Variants in PRKDC observed in about 807,000 individuals in gnomAD.
PRKDC encodes DNA-dependent protein kinase catalytic subunit.
PRKDC carries 82 observed loss-of-function variants against 486.9 expected under a neutral mutation model. That is an observed-to-expected ratio of 0.17 (90% CI 0.14 to 0.20). The LOEUF is 0.20. PRKDC is among the 10% of genes least tolerant of loss of function. PRKDC has a pLI of 1.00. For missense variants in PRKDC, 4,504 were observed against 5,038.2 expected, an observed-to-expected ratio of 0.89 and a Z score of 3.21; for synonymous variants, 1,895 against 1,837.0, an observed-to-expected ratio of 1.03 and a Z score of -0.81.
intron 59 of PRKDC, among the ~76,000 whole-genome samples, chr8:47,832,836 G>A (rs2087919058): frequency 1.3e-5 from 2 of 152,172 alleles, no homozygotes; most frequent in South Asian, 2.1e-4. Flanking sequence ...ACGGATCTAC[G>A]CCCAAGGACA....
intron 24 of PRKDC, among the ~76,000 whole-genome samples, 189 bp downstream of exon 24, chr8:47,913,712 T>C (rs1360571299): frequency 1.3e-5 from 2 of 152,130 alleles, no homozygotes; most frequent in Non-Finnish European, 2.9e-5. Flanking sequence ...ATTAAGATGA[T>C]TTATACTTAA....
At chr8:47,825,807 C>T (rs2087726269) in intron 63 of PRKDC, among the ~76,000 whole-genome samples, 1 of 152,142 alleles carries the variant, frequency 6.6e-6, no homozygotes, top group Non-Finnish European at 1.5e-5. Context: ...CTCTGAATGG[C>T]CCTGGCATTT....
chr8:47,807,388 T>C, intron 68 of PRKDC, 62 bp from the exon 69 acceptor site: 1 of 1,332,838 alleles, frequency 7.5e-7, no homozygotes, highest in Non-Finnish European at 1.0e-6. Flanking sequence ...TGGATAGCAA[T>C]TACAGGCAGA....
At chr8:47,911,737 G>A (rs2089906804) in intron 25 of PRKDC, among the ~76,000 whole-genome samples, 1 of 151,738 alleles carries the variant, frequency 6.6e-6, no homozygotes, top group Non-Finnish European at 1.5e-5. Flanking sequence ...CATAGTATAG[G>A]CCACTTGCCA....
In PRKDC at chr8:47,954,182, ATGT is replaced by A. The variant is rs1044562600; in HGVS notation, c.508+153_508+155del. On this transcript the variant is annotated intron_variant, in intron 5 of 85. Transcript: ENST00000314191. ...CATTTTTGTGAAGGGAAGTCTTCAC[ATGT>A]TGTTTTTGTTTGGTTCCATTTTGGT... Among the ~76,000 whole-genome samples the A allele has an allele frequency of 7.2e-5, 11 of 152,336 alleles. No individual in the cohort carries two copies. The East Asian group carries it at 1.7e-3, about 24-fold the overall frequency.
chr8:47,891,867 C>T (rs2089466849), intron 31 of PRKDC, among the ~76,000 whole-genome samples: 1 of 152,000 alleles, frequency 6.6e-6, no homozygotes, highest in South Asian at 2.1e-4. Flanking sequence ...TTTATGTGAA[C>T]AAGTTTTTTT....
rs138258308 is a variant in PRKDC, at chr8:47,807,334, A to G, written c.9558-8T>C. On this transcript the variant is annotated splice_polypyrimidine_tract_variant and splice_region_variant and intron_variant, in intron 68 of 85. Coordinates refer to ENST00000314191, the MANE Select transcript of PRKDC (RefSeq NM_006904.7). ...TTGCTGAGAAAGAAACATCTACACA[A>G]AGAAAAATGAGACAATGTCACAGAC... The G allele has an allele frequency of 2.1e-4, 315 of 1,526,414 alleles. 3 individuals carry two copies. The African/African-American group carries it at 4.1e-3, about 20-fold the overall frequency. 94.6% of individuals were successfully genotyped at this position (1,526,414 alleles called of 1,614,324 possible).
chr8:47,818,269 A>T (rs1468118513), intron 67 of PRKDC, among the ~76,000 whole-genome samples: 1 of 152,116 alleles, frequency 6.6e-6, no homozygotes, highest in Admixed American at 6.5e-5. Context: ...AATCCATCTC[A>T]TAAAGTTGTT....
chr8:47,805,788 G>A (rs2087204198), intron 69 of PRKDC, among the ~76,000 whole-genome samples: 1 of 152,112 alleles, frequency 6.6e-6, no homozygotes, highest in Admixed American at 6.5e-5. Context: ...AGAAATCCGA[G>A]TTGTTTCTAG....
At chr8:47,823,098 A>G (rs1478484512) in intron 64 of PRKDC, among the ~76,000 whole-genome samples, 81 of 152,096 alleles carry the variant, frequency 5.3e-4, no homozygotes, top group Non-Finnish European at 5.9e-5. Context: ...GCACTTTGGG[A>G]GGCCCAGGCA....
At chr8:47,794,981 T>A (rs769117275) in intron 73 of PRKDC, among the ~76,000 whole-genome samples, 4 of 150,008 alleles carry the variant, frequency 2.7e-5, no homozygotes, top group Non-Finnish European at 5.9e-5. Flanking sequence ...CTCCGCCTCC[T>A]GGGTTTAAGC....
At chr8:47,809,243 C>T (rs914430669) in intron 68 of PRKDC, among the ~76,000 whole-genome samples, 1 of 151,940 alleles carries the variant, frequency 6.6e-6, no homozygotes, top group Non-Finnish European at 1.5e-5. Flanking sequence ...AAGATACAAC[C>T]CTTGCTGGCC....
At position 47,859,659 on chromosome 8, in the gene PRKDC, T is replaced by C. The variant is rs2088628208; in HGVS notation, c.6159A>G (p.Ser2053=). 5 of 1,613,858 alleles carry C rather than the reference T, an allele frequency of 3.1e-6. No individual in the cohort carries two copies. The highest frequency in any genetic ancestry group is 4.2e-6 in the Non-Finnish European group (5 of 1,179,868). The change falls in exon 46 of 86, where the codon TCA becomes TCG. Residue 2053 remains serine (S), a synonymous_variant. Transcript: ENST00000314191. ...CAGGTCTAGGGTCTTGGGAGCTGTA[T>C]GAATAGCTCTGAACTCCGGTTGAGA... The part of the protein sequence containing the change: ...FDFSTGVQSY[S]YSSQDPRPAT...
At chr8:47,846,558 TG>T (rs200320152) in intron 54 of PRKDC, among the ~76,000 whole-genome samples, 1,815 of 152,258 alleles carry the variant, frequency 0.012, 22 homozygotes, top group Non-Finnish European at 0.02. Flanking sequence ...TACTGAATGA[TG>T]GTAAAAACTG....
At chr8:47,807,860 C>T (rs892867934) in intron 68 of PRKDC, among the ~76,000 whole-genome samples, 3 of 152,026 alleles carry the variant, frequency 2.0e-5, no homozygotes, top group African/African-American at 7.2e-5. Context: ...GGACTACAGG[C>T]GTGCACTACC....
At chr8:47,882,880 T>C (rs2089251148) in intron 36 of PRKDC, among the ~76,000 whole-genome samples, 1 of 152,246 alleles carries the variant, frequency 6.6e-6, no homozygotes, top group African/African-American at 2.4e-5. Context: ...CTGTCATTAA[T>C]TCGTCATCAA....
chr8:47,809,183 C>T (rs956847266), intron 68 of PRKDC, among the ~76,000 whole-genome samples: 1 of 151,510 alleles, frequency 6.6e-6, no homozygotes, highest in Admixed American at 6.6e-5. Context: ...GAAGATAAAC[C>T]ATCATGCTTC....
Position 47,782,248 on chromosome 8 carries a change from T to A in PRKDC, c.11403A>T (p.Gly3801=). The change falls in exon 80 of 86, where the codon GGA becomes GGT. Residue 3801 remains glycine, a synonymous_variant. Coordinates refer to ENST00000314191, the MANE Select transcript of PRKDC (RefSeq NM_006904.7). This position sits in a 1 kb window ranked among gnomAD's most constrained non-coding sequence, Gnocchi z 4.9. ...CAGTATTTTCAAGCCACTCAATTAATCCTAACCTGAAAGGGAGAATAAAAG... is the reference window on the plus strand; with the variant it reads ...CAGTATTTTCAAGCCACTCAATTAAACCTAACCTGAAAGGGAGAATAAAAG... ...YSVVPMTSRL[G]LIEWLENTVT... 2 of 1,613,780 alleles carry A rather than the reference T, an allele frequency of 1.2e-6. No homozygotes were observed. The highest frequency in any genetic ancestry group is 1.7e-6 in the Non-Finnish European group (2 of 1,179,662).
intron 40 of PRKDC, among the ~76,000 whole-genome samples, chr8:47,874,926 A>G (rs562028020): frequency 6.6e-6 from 1 of 152,066 alleles, no homozygotes; most frequent in African/African-American, 2.4e-5. Flanking sequence ...GTGGTGGTAC[A>G]TGCCTGTAGT....
Sources: allele counts gnomAD v4.1 joint callset (sites outside exome capture counted in the v4.1 genomes callset), GRCh38; gene constraint gnomAD v4.1.1; non-coding constraint Gnocchi (gnomAD v3.1); transcripts MANE v1.5; gene names NCBI Gene and HGNC (gene_info 2026-07-23, HGNC 2026-07-21).